The following ARB2A variants were observed in gnomAD, a reference collection of about 807,000 sequenced individuals.
ARB2A encodes cotranscriptional regulator ARB2A.
chr5:94,073,680 A>T, the ARB2A span, among the ~76,000 whole-genome samples: 1 of 152,092 alleles, frequency 6.6e-6, no homozygotes, highest in Non-Finnish European at 1.5e-5. Flanking sequence ...ACTGTGACAT[A>T]CATTACTTGC....
chr5:93,943,922 A>G, the ARB2A span, among the ~76,000 whole-genome samples: 1 of 152,234 alleles, frequency 6.6e-6, no homozygotes, highest in Non-Finnish European at 1.5e-5. Context: ...TAGAAAATTA[A>G]GCCATAGCTT....
At chr5:94,078,774 T>C in the ARB2A span, among the ~76,000 whole-genome samples, 1 of 152,010 alleles carries the variant, frequency 6.6e-6, no homozygotes, top group African/African-American at 2.4e-5. Flanking sequence ...ATCTAGGTTT[T>C]TAATTTCAGT....
chr5:93,711,047 C>T, the ARB2A span, among the ~76,000 whole-genome samples: 1 of 152,142 alleles, frequency 6.6e-6, no homozygotes, highest in Admixed American at 6.5e-5. Context: ...AAGAAACCTT[C>T]AATCTGGCAG....
chr5:93,986,169 G>T, the ARB2A span, among the ~76,000 whole-genome samples: 2 of 151,568 alleles, frequency 1.3e-5, no homozygotes, highest in African/African-American at 4.9e-5. Flanking sequence ...TGGGAAGTGA[G>T]GAGCGCCTCT....
At chr5:93,803,928 T>C in the ARB2A span, among the ~76,000 whole-genome samples, 2 of 151,912 alleles carry the variant, frequency 1.3e-5, no homozygotes, top group Admixed American at 6.6e-5. Context: ...GGAGCTAGGT[T>C]TGTACACAGC....
At chr5:93,839,030 T>C in the ARB2A span, among the ~76,000 whole-genome samples, 2 of 152,194 alleles carry the variant, frequency 1.3e-5, no homozygotes, top group Non-Finnish European at 2.9e-5. Flanking sequence ...GTGCCTTTTA[T>C]TTCCTTCTCT....
chr5:93,917,914 T>C, the ARB2A span, among the ~76,000 whole-genome samples: 1 of 152,092 alleles, frequency 6.6e-6, no homozygotes, highest in Non-Finnish European at 1.5e-5. Flanking sequence ...TCAACATTTA[T>C]AATGTATTTC....
chr5:93,962,819 T>C, the ARB2A span, among the ~76,000 whole-genome samples: 1 of 152,142 alleles, frequency 6.6e-6, no homozygotes, highest in African/African-American at 2.4e-5. Context: ...AAGTTTCATA[T>C]AAAGTAAATC....
chr5:93,921,052 C>A, the ARB2A span, among the ~76,000 whole-genome samples: 1 of 148,690 alleles, frequency 6.7e-6, no homozygotes, highest in East Asian at 2.0e-4. Context: ...AAAGTCATGA[C>A]ATTACAAGAA....
At chr5:93,928,993 C>CAA in the ARB2A span, among the ~76,000 whole-genome samples, 1 of 140,290 alleles carries the variant, frequency 7.1e-6, no homozygotes, top group African/African-American at 2.6e-5. Context: ...TTAAAGTCTA[C>CAA]AAAAAAAAAA....
At chr5:94,016,308 C>T in the ARB2A span, among the ~76,000 whole-genome samples, 1 of 152,184 alleles carries the variant, frequency 6.6e-6, no homozygotes, top group South Asian at 2.1e-4. Flanking sequence ...GTATCATTGG[C>T]TTCCTTAACT....
chr5:93,927,051 A>G, the ARB2A span, among the ~76,000 whole-genome samples: 61 of 152,066 alleles, frequency 4.0e-4, no homozygotes, highest in Non-Finnish European at 7.5e-4. Flanking sequence ...AAAAAAAAAA[A>G]AATCCTCTCT....
the ARB2A span, among the ~76,000 whole-genome samples, chr5:93,803,195 A>T: frequency 6.6e-6 from 1 of 152,080 alleles, no homozygotes; most frequent in Non-Finnish European, 1.5e-5. Flanking sequence ...TGTGCAGTTT[A>T]GCATGCTACT....
the ARB2A span, among the ~76,000 whole-genome samples, chr5:93,887,104 T>A: frequency 6.6e-6 from 1 of 151,656 alleles, no homozygotes; most frequent in East Asian, 1.9e-4. Flanking sequence ...TTAATCAAGC[T>A]GTCAAAGAGA....
At chr5:94,013,931 C>T in the ARB2A span, among the ~76,000 whole-genome samples, 1 of 152,148 alleles carries the variant, frequency 6.6e-6, no homozygotes, top group African/African-American at 2.4e-5. Context: ...GCACCTAGTA[C>T]ATGGGAAATT....
chr5:94,066,465 C>T, the ARB2A span, among the ~76,000 whole-genome samples: 5 of 140,482 alleles, frequency 3.6e-5, no homozygotes, highest in Middle Eastern at 3.7e-3. Flanking sequence ...CACACACACA[C>T]ATAAAAACCC....
the ARB2A span, among the ~76,000 whole-genome samples, chr5:93,846,815 T>C: frequency 6.6e-6 from 1 of 152,182 alleles, no homozygotes; most frequent in African/African-American, 2.4e-5. Flanking sequence ...TCAATGTTGA[T>C]GGCTGCTGAC....
At chr5:94,070,430 G>A in the ARB2A span, among the ~76,000 whole-genome samples, 1 of 151,964 alleles carries the variant, frequency 6.6e-6, no homozygotes, top group Non-Finnish European at 1.5e-5. Flanking sequence ...ATAGCATATA[G>A]GGTGATTAAA....
At chr5:94,084,698 G>A in the ARB2A span, among the ~76,000 whole-genome samples, 1 of 152,012 alleles carries the variant, frequency 6.6e-6, no homozygotes, top group South Asian at 2.1e-4. Flanking sequence ...GAACAGGATG[G>A]AACTCCAAAA....
Sources: gnomAD v4.1 joint callset for allele counts (sites outside exome capture counted in the v4.1 genomes callset) on GRCh38, gnomAD v4.1.1 for gene constraint, MANE v1.5 for transcripts, NCBI Gene and HGNC (gene_info 2026-07-23, HGNC 2026-07-21) for gene names.